The following AKNA variants were observed in gnomAD, a reference collection of about 807,000 sequenced individuals.
AKNA encodes the protein AT-hook transcription factor.
Under a neutral mutation model 138.8 loss-of-function variants are expected in AKNA, and 67 were observed. The ratio of observed to expected loss-of-function variants is 0.48; its 90% CI spans 0.40 to 0.59. The LOEUF is 0.59. Among genes scored for constraint, AKNA ranks in the 20% least tolerant of loss-of-function variants. The probability of loss-of-function intolerance (pLI) is 0.00; values close to 1 mark genes in which losing one functional copy is unlikely to be tolerated. For missense variants in AKNA, 1,813 were observed against 1,880.4 expected, an observed-to-expected ratio of 0.96 and a Z score of 0.66; for synonymous variants, 737 against 754.4, an observed-to-expected ratio of 0.98 and a Z score of 0.38.
intron 4 of AKNA, among the ~76,000 whole-genome samples, chr9:114,369,844 CA>C (rs1564645278): frequency 6.6e-6 from 1 of 152,156 alleles, no homozygotes; most frequent in African/African-American, 2.4e-5. Context: ...TCACTATTAC[CA>C]CCACCATCAT....
At chr9:114,359,371 G>A (rs1250261183) in intron 11 of AKNA, 3 of 906,452 alleles carry the variant, frequency 3.3e-6, no homozygotes, top group Non-Finnish European at 4.8e-6. Flanking sequence ...GCCCAGCTGA[G>A]AATAATGTTC....
chr9:114,357,844 G>C, intron 12 of AKNA, 77 bp downstream of exon 12: 2 of 1,566,700 alleles, frequency 1.3e-6, no homozygotes, highest in Non-Finnish European at 1.7e-6. Context: ...CACAAGGAAA[G>C]ACCCAGAAGC....
intron 21 of AKNA, 32 bp downstream of exon 21, chr9:114,341,501 G>C (rs1330214439): frequency 6.2e-7 from 1 of 1,613,488 alleles, no homozygotes; most frequent in Non-Finnish European, 8.5e-7. Flanking sequence ...TCTATAGAAA[G>C]AGGCTGGGAA....
intron 15 of AKNA, among the ~76,000 whole-genome samples, chr9:114,350,304 G>A (rs941385041): frequency 2.0e-5 from 3 of 152,144 alleles, no homozygotes; most frequent in Non-Finnish European, 2.9e-5. Context: ...GGCCACCACC[G>A]AGCAGTCTCC....
chr9:114,360,157 G>C, intron 9 of AKNA, 95 bp from the exon 10 acceptor site: 2 of 1,495,360 alleles, frequency 1.3e-6, no homozygotes, highest in Non-Finnish European at 1.8e-6. Context: ...TGTGGGCTGC[G>C]GGGTAAGAAG....
chr9:114,343,718 G>T lies in AKNA; in HGVS notation c.3747C>A (p.Thr1249=). 6.2e-7 allele frequency: 1 copy of T among 1,614,216 alleles called. No individual in the cohort carries two copies. The highest frequency in any genetic ancestry group is 8.5e-7 in the Non-Finnish European group (1 of 1,180,032). The change falls in exon 19 of 22, where the codon ACC becomes ACA. Residue 1249 remains threonine, a synonymous_variant. Transcript: ENST00000374088. ...VSCPHCRPIR[T]QDAGGAVTGD... ...GGTGCCATTCCTTACCCGCATCCTG[G>T]GTCCTAATGGGCCGGCAGTGGGGAC...
chr9:114,372,432 G>A (rs549476222), intron 4 of AKNA, among the ~76,000 whole-genome samples: 153 of 152,300 alleles, frequency 1.0e-3, no homozygotes, highest in Middle Eastern at 3.4e-3. Context: ...CACTGTGGCT[G>A]GCACACAAGA....
intron 3 of AKNA, among the ~76,000 whole-genome samples, chr9:114,375,623 A>G (rs1833113228): frequency 6.6e-6 from 1 of 152,132 alleles, no homozygotes; most frequent in Admixed American, 6.5e-5. Context: ...ACATTTTTAG[A>G]TAAAAGGATT....
chr9:114,332,961 G>C (rs1312863532), downstream of AKNA: 2 of 1,546,480 alleles, frequency 1.3e-6, no homozygotes, highest in East Asian at 4.8e-5. Flanking sequence ...AGCCCTGGTT[G>C]AGCTGGTTCC....
At chr9:114,346,110 G>A (rs1032726565) in intron 17 of AKNA, 101 bp from the exon 18 acceptor site, 11 of 1,232,100 alleles carry the variant, frequency 8.9e-6, no homozygotes, top group Non-Finnish European at 1.1e-5. Flanking sequence ...GTGGATGCCT[G>A]GGTTTTAATC....
rs777933782 is a variant in AKNA at position 114,376,745 on chromosome 9, C to T, written c.1062G>A (p.Leu354=). ...TGGAGAAATCAGGGAGTGGGTAGTT[C>T]AACTGCCCCCGGCCATACTTGGGGG... is the stretch of plus-strand genomic sequence containing the variant. The part of the protein sequence containing the change: ...SNAPKYGRGQ[L]NYPLPDFSKV... The change falls in exon 3 of 22, where the codon TTG becomes TTA. Residue 354 remains leucine, a synonymous_variant. Coordinates refer to ENST00000374088, the MANE Select transcript of AKNA (RefSeq NM_001317950.2). 6.2e-6 allele frequency: 10 copies of T among 1,612,600 alleles called. No homozygotes were observed. Among genetic ancestry groups the T allele is most frequent in the Non-Finnish European group, 5.9e-6 (7 of 1,179,180 alleles).
chr9:114,331,019 A>G (rs1326419754), downstream of AKNA, among the ~76,000 whole-genome samples: 3 of 152,032 alleles, frequency 2.0e-5, no homozygotes, highest in Non-Finnish European at 4.4e-5. Context: ...AATCCCTAAG[A>G]AGACACTGAG....
At chr9:114,361,146 G>A (rs10123473) in intron 9 of AKNA, among the ~76,000 whole-genome samples, 63,203 of 151,884 alleles carry the variant, frequency 0.42, 15,102 homozygotes, top group Middle Eastern at 0.57. Context: ...TGCTCTCTAC[G>A]TGACCCACAA....
intron 14 of AKNA, among the ~76,000 whole-genome samples, chr9:114,354,984 C>T (rs1302240355): frequency 6.7e-6 from 1 of 149,292 alleles, no homozygotes; most frequent in Non-Finnish European, 1.5e-5. Flanking sequence ...AAGCAATTCT[C>T]ATGCCTCAGC....
At chr9:114,343,986 A>G in intron 18 of AKNA, 183 bp from the exon 19 acceptor site, 1 of 587,936 alleles carries the variant, frequency 1.7e-6, no homozygotes, top group Non-Finnish European at 3.0e-6. Context: ...ATATTTAAGT[A>G]TGACACACAT....
At chr9:114,341,865 T>C (rs1190544652) in intron 20 of AKNA, 140 bp from the exon 21 acceptor site, 1 of 1,316,326 alleles carries the variant, frequency 7.6e-7, no homozygotes, top group African/African-American at 1.5e-5. Context: ...GGGAGGTCTC[T>C]CTTTGGGGAA....
upstream of AKNA, among the ~76,000 whole-genome samples, chr9:114,392,525 C>G (rs1419723725): frequency 6.6e-6 from 1 of 152,186 alleles, no homozygotes; most frequent in African/African-American, 2.4e-5. Context: ...TAACATGGAC[C>G]AATAATTATT....
At chr9:114,346,126 T>G in intron 17 of AKNA, 117 bp from the exon 18 acceptor site, 1 of 1,047,958 alleles carries the variant, frequency 9.5e-7, no homozygotes, top group Non-Finnish European at 1.4e-6. Flanking sequence ...TAATCCCCAG[T>G]CTCCCCCTTA....
At position 114,357,933 on chromosome 9, in the gene AKNA, C is replaced by T. The variant is rs756295826; in HGVS notation, c.2727G>A (p.Gly909=). Residue 909 remains glycine, a synonymous_variant, in exon 12 of 22, where the codon GGG becomes GGA. Transcript: ENST00000374088. The part of the protein sequence containing the change: ...LPQKPLHRGG[G]PHLEETWMAS... ...TGTGGAGACTTACCTCCAGGTGGGG[C>T]CCACCGCCTCGGTGCAAAGGCTTCT... 1.3e-6 allele frequency: 2 copies of T among 1,598,032 alleles called. No individual in the cohort carries two copies. Among genetic ancestry groups the T allele is most frequent in the Admixed American group, 1.8e-5 (1 of 54,666 alleles).
Sources: gnomAD v4.1 joint callset for allele counts (sites outside exome capture counted in the v4.1 genomes callset) on GRCh38, gnomAD v4.1.1 for gene constraint, MANE v1.5 for transcripts, NCBI Gene and HGNC (gene_info 2026-07-23, HGNC 2026-07-21) for gene names.